Variants in PELI2 observed in about 807,000 individuals in gnomAD.
PELI2 encodes pellino E3 ubiquitin protein ligase family member 2.
Under a neutral mutation model 42.3 loss-of-function variants are expected in PELI2, and 23 were observed. The observed-to-expected ratio is 0.54, with a 90% CI of 0.39 to 0.77. The LOEUF (loss-of-function observed/expected upper bound fraction) is 0.77, where lower values mean the gene tolerates loss of function less well. Ranked by LOEUF, PELI2 falls within the 30% of genes least tolerant of loss-of-function variation. The probability of loss-of-function intolerance (pLI) is 0.00; values close to 1 mark genes in which losing one functional copy is unlikely to be tolerated. For missense variants in PELI2, 463 were observed against 553.2 expected (o/e 0.84, Z 1.64); for synonymous variants, 245 against 212.2 (o/e 1.15, Z -1.34).
At chr14:56,291,863 G>C (rs537914255) in intron 5 of PELI2, among the ~76,000 whole-genome samples, 1 of 152,348 alleles carries the variant, frequency 6.6e-6, no homozygotes, top group Non-Finnish European at 1.5e-5. Flanking sequence ...GTTAGCAGGT[G>C]GCAGCCAGTG....
chr14:56,229,730 A>C (rs1887490868), intron 2 of PELI2, among the ~76,000 whole-genome samples: 2 of 152,230 alleles, frequency 1.3e-5, no homozygotes, highest in Non-Finnish European at 2.9e-5. Context: ...AACAGAACAA[A>C]GCTGGACAGT....
chr14:56,298,258 G>T lies in PELI2; in HGVS notation c.*1092G>T, dbSNP rs1890076248. 6.6e-6 allele frequency: 1 copy of T among 152,526 alleles called. No homozygotes were observed. The highest frequency in any genetic ancestry group is 2.1e-4 in the South Asian group (1 of 4,830). The allele number at this position is 152,526 out of a possible 1,614,324, so 9.4% of individuals were successfully genotyped here. On this transcript the variant is annotated 3_prime_UTR_variant, in exon 6 of 6. Transcript: ENST00000267460. ...GAATCAAACTAAATTTAAGTGGGAT[G>T]ATTAGATATACACAACACCAAGTGG...
rs574777565 is a variant in PELI2 at position 56,198,281 on chromosome 14, T to C, written c.207+19817T>C. Reference sequence around the variant, plus strand: ...TGAGGGGAAGAGTTGAGGGCACAAATTGGATACATGAATCTGGAATTCAAC... The same window carrying C: ...TGAGGGGAAGAGTTGAGGGCACAAACTGGATACATGAATCTGGAATTCAAC... On this transcript the variant is annotated intron_variant, in intron 2 of 5. Coordinates refer to ENST00000267460, the MANE Select transcript of PELI2 (RefSeq NM_021255.3). 1.2e-4 allele frequency among the ~76,000 whole-genome samples: 19 copies of C among 152,070 alleles called. No individual in the cohort carries two copies. In the South Asian group the frequency reaches 3.7e-3, roughly 30 times the overall value.
chr14:56,152,432 G>T (rs996757017), intron 1 of PELI2, among the ~76,000 whole-genome samples: 1 of 152,152 alleles, frequency 6.6e-6, no homozygotes, highest in Non-Finnish European at 1.5e-5. Flanking sequence ...AAGGAAGATG[G>T]GAGGATGAGT....
chr14:56,125,816 C>G (rs1384971391), intron 1 of PELI2, among the ~76,000 whole-genome samples: 2 of 152,110 alleles, frequency 1.3e-5, no homozygotes, highest in African/African-American at 4.8e-5. Context: ...TTGACTTCCC[C>G]CCTCCTTGGA....
chr14:56,127,679 T>C (rs1226915021), intron 1 of PELI2, among the ~76,000 whole-genome samples: 1 of 152,226 alleles, frequency 6.6e-6, no homozygotes, highest in Admixed American at 6.5e-5. Flanking sequence ...ATCCACTGGT[T>C]ACTGCCTCCA....
chr14:56,287,729 A>G (rs553550611), intron 3 of PELI2, among the ~76,000 whole-genome samples: 192 of 152,336 alleles, frequency 1.3e-3, no homozygotes, highest in African/African-American at 4.4e-3. Flanking sequence ...GAGAACGTAT[A>G]TATGAGATTT....
At chr14:56,276,174 G>A (rs1462771332) in intron 2 of PELI2, among the ~76,000 whole-genome samples, 1 of 152,166 alleles carries the variant, frequency 6.6e-6, no homozygotes, top group East Asian at 1.9e-4. Context: ...CATGACCCAA[G>A]AAGGAAAGTG....
chr14:56,267,510 G>GTATTTT (rs1888949600), intron 2 of PELI2, among the ~76,000 whole-genome samples: 2 of 152,160 alleles, frequency 1.3e-5, no homozygotes, highest in African/African-American at 2.4e-5. Flanking sequence ...TCCAAGGAAA[G>GTATTTT]ACATTCATTA....
Position 56,138,131 on chromosome 14 carries a change from C to T in PELI2, c.77+19394C>T, listed in dbSNP as rs1389625097. ...CGCTGCACCGGCTTGCCACTGATGCCTGCGTCTGTTAGGTGCTCACCAGAG... is the reference window on the plus strand; with the variant it reads ...CGCTGCACCGGCTTGCCACTGATGCTTGCGTCTGTTAGGTGCTCACCAGAG... On this transcript the variant is annotated intron_variant, in intron 1 of 5. Transcript: ENST00000267460. Among the ~76,000 whole-genome samples, 5 of 152,230 alleles carry T rather than the reference C, an allele frequency of 3.3e-5. 1 individual carries two copies. The highest frequency in any genetic ancestry group is 1.3e-4 in the Admixed American group (2 of 15,284).
At chr14:56,282,033 T>C (rs1403407875) in intron 3 of PELI2, among the ~76,000 whole-genome samples, 6 of 152,188 alleles carry the variant, frequency 3.9e-5, no homozygotes, top group African/African-American at 1.4e-4. Flanking sequence ...AGCTCTTTTC[T>C]TTGTAAAGCT....
chr14:56,172,306 C>T (rs946853919), intron 1 of PELI2, among the ~76,000 whole-genome samples: 4 of 152,138 alleles, frequency 2.6e-5, no homozygotes, highest in South Asian at 2.1e-4. Context: ...CTGCTGGGAC[C>T]GCTGAGCAGA....
Position 56,204,153 on chromosome 14 carries a change from A to C in PELI2, c.207+25689A>C, listed in dbSNP as rs1245459831. Among the ~76,000 whole-genome samples the C allele has an allele frequency of 3.9e-5, 6 of 152,232 alleles. No individual in the cohort carries two copies. In the East Asian group the frequency reaches 1.2e-3, roughly 29 times the overall value. ...TGGGAACGAATATCCATTTTTGAAC[A>C]GTCACATTGGTGATTGCTTTGATGT... On this transcript the variant is annotated intron_variant, in intron 2 of 5. Coordinates refer to ENST00000267460, the MANE Select transcript of PELI2 (RefSeq NM_021255.3).
intron 2 of PELI2, among the ~76,000 whole-genome samples, chr14:56,263,900 A>G (rs1370362685): frequency 2.0e-5 from 3 of 152,170 alleles, no homozygotes; most frequent in African/African-American, 4.8e-5. Context: ...GATTTTTTTT[A>G]AAGACAACAG....
intron 1 of PELI2, among the ~76,000 whole-genome samples, chr14:56,161,222 T>C (rs1884752278): frequency 6.6e-6 from 1 of 152,124 alleles, no homozygotes; most frequent in Admixed American, 6.5e-5. Context: ...CTGCTTTCAT[T>C]TATTTCTTTT....
At chr14:56,242,280 C>T (rs1888001357) in intron 2 of PELI2, among the ~76,000 whole-genome samples, 2 of 152,300 alleles carry the variant, frequency 1.3e-5, no homozygotes, top group South Asian at 4.1e-4. Context: ...ACTCATAGTG[C>T]ACTACAGACT....
At chr14:56,124,721 G>T (rs1883187899) in intron 1 of PELI2, among the ~76,000 whole-genome samples, 2 of 152,218 alleles carry the variant, frequency 1.3e-5, no homozygotes, top group Non-Finnish European at 2.9e-5. Context: ...TGTGTTAGCA[G>T]GGTCCCCTAG....
chr14:56,281,272 TC>T (rs376891294), intron 3 of PELI2, among the ~76,000 whole-genome samples: 5 of 152,200 alleles, frequency 3.3e-5, no homozygotes, highest in African/African-American at 1.2e-4. Context: ...AACCTATACT[TC>T]CAGGAGTAGG....
At chr14:56,189,090 T>C (rs1885870354) in intron 2 of PELI2, among the ~76,000 whole-genome samples, 1 of 152,172 alleles carries the variant, frequency 6.6e-6, no homozygotes, top group Admixed American at 6.5e-5. Flanking sequence ...TCCCGGGTTG[T>C]GGAGGTTGCA....
Sources: gnomAD v4.1 joint callset for allele counts (sites outside exome capture counted in the v4.1 genomes callset) on GRCh38, gnomAD v4.1.1 for gene constraint, MANE v1.5 for transcripts, NCBI Gene and HGNC (gene_info 2026-07-23, HGNC 2026-07-21) for gene names.